The following MATN2 variants were observed in gnomAD, a reference collection of about 807,000 sequenced individuals.
MATN2 encodes the protein matrilin-2.
In MATN2, 69 loss-of-function variants were observed where a neutral mutation model predicts 103.2. The observed-to-expected ratio is 0.67, with a 90% CI of 0.55 to 0.82. MATN2 has a LOEUF of 0.82. Among genes scored for constraint, MATN2 ranks in the 40% least tolerant of loss-of-function variants. The pLI, the probability that MATN2 is intolerant of heterozygous loss-of-function variation, is 0.00. For synonymous variants in MATN2, 429 were observed against 450.2 expected (o/e 0.95, Z 0.60); for missense variants, 1,023 against 1,211.5 (o/e 0.84, Z 2.31).
At chr8:97,984,463 G>C (rs1051172786) in intron 6 of MATN2, among the ~76,000 whole-genome samples, 5 of 152,332 alleles carry the variant, frequency 3.3e-5, no homozygotes, top group Non-Finnish European at 5.9e-5. Context: ...TGACCAATTT[G>C]TGTGTGGAGG....
chr8:98,012,159 G>A (rs538489114), intron 10 of MATN2, among the ~76,000 whole-genome samples: 25 of 152,184 alleles, frequency 1.6e-4, no homozygotes, highest in African/African-American at 4.6e-4. Flanking sequence ...TTCCTTAAGC[G>A]CTTGGTTCCT....
At chr8:97,885,501 A>G (rs1223729170) in intron 1 of MATN2, among the ~76,000 whole-genome samples, 1 of 152,182 alleles carries the variant, frequency 6.6e-6, no homozygotes, top group Admixed American at 6.5e-5. Context: ...AAACCCTGAG[A>G]TGATAAATAG....
intron 4 of MATN2, among the ~76,000 whole-genome samples, chr8:97,957,414 G>A (rs568186151): frequency 4.3e-4 from 66 of 152,334 alleles, no homozygotes; most frequent in Middle Eastern, 6.8e-3. Context: ...AACCCAGTCT[G>A]TATTTATTCC....
intron 3 of MATN2, among the ~76,000 whole-genome samples, chr8:97,940,424 C>CGTT (rs1454531946): frequency 2.0e-5 from 3 of 152,118 alleles, no homozygotes; most frequent in Non-Finnish European, 4.4e-5. Flanking sequence ...ATATTTGTAT[C>CGTT]CTAACAGGAA....
intron 1 of MATN2, among the ~76,000 whole-genome samples, chr8:97,870,569 G>A (rs558758464): frequency 1.4e-3 from 209 of 152,120 alleles, no homozygotes; most frequent in Non-Finnish European, 2.2e-3. Flanking sequence ...ACATTTCCAG[G>A]AGCATTCTAA....
chr8:97,975,462 G>A (rs2130300826), intron 5 of MATN2, among the ~76,000 whole-genome samples: 1 of 152,300 alleles, frequency 6.6e-6, no homozygotes. Context: ...ATCCCTCTGA[G>A]AGACAGAAAT....
intron 5 of MATN2, among the ~76,000 whole-genome samples, chr8:97,978,303 G>A (rs1811904742): frequency 6.6e-6 from 1 of 152,176 alleles, no homozygotes; most frequent in African/African-American, 2.4e-5. Flanking sequence ...TGGAACTAAT[G>A]AAAAATCAGC....
chr8:97,945,546 A>G (rs541594636), intron 4 of MATN2, among the ~76,000 whole-genome samples: 1 of 151,988 alleles, frequency 6.6e-6, no homozygotes, highest in South Asian at 2.1e-4. Context: ...CAGCCCACTA[A>G]TCCAGGGGAG....
chr8:97,963,112 G>A (rs1811366078), intron 5 of MATN2, among the ~76,000 whole-genome samples: 1 of 152,210 alleles, frequency 6.6e-6, no homozygotes, highest in Non-Finnish European at 1.5e-5. Context: ...TCCAGCCTGG[G>A]TGACAGAGCG....
At chr8:97,874,107 C>T (rs572257474) in intron 1 of MATN2, among the ~76,000 whole-genome samples, 2 of 152,204 alleles carry the variant, frequency 1.3e-5, no homozygotes, top group Non-Finnish European at 2.9e-5. Context: ...CTGAGATTCC[C>T]AGACGGTGTC....
chr8:97,932,627 G>T (rs774960970), intron 3 of MATN2, among the ~76,000 whole-genome samples: 1 of 152,074 alleles, frequency 6.6e-6, no homozygotes, highest in East Asian at 1.9e-4. Context: ...TTCTCAGCAG[G>T]TCAGCCTGCA....
intron 5 of MATN2, among the ~76,000 whole-genome samples, chr8:97,965,100 C>T (rs1033788351): frequency 6.6e-6 from 1 of 152,096 alleles, no homozygotes; most frequent in Admixed American, 6.6e-5. Flanking sequence ...AAAGGGGTTC[C>T]AGTTTGGATG....
chr8:98,024,807 A>AG (rs1299393943), intron 13 of MATN2: 8 of 152,308 alleles, frequency 5.3e-5, no homozygotes, highest in African/African-American at 1.9e-4. Flanking sequence ...AACTACCAAA[A>AG]AGAAAATGCC....
intron 2 of MATN2, among the ~76,000 whole-genome samples, chr8:97,916,040 G>T (rs1476637430): frequency 1.7e-5 from 2 of 116,424 alleles, no homozygotes; most frequent in African/African-American, 3.2e-5. Context: ...ACTGGCTATG[G>T]TTTTTATTTT....
chr8:97,960,213 T>C (rs901240111), intron 4 of MATN2, among the ~76,000 whole-genome samples: 14 of 152,336 alleles, frequency 9.2e-5, no homozygotes, highest in Non-Finnish European at 2.1e-4. Context: ...CGCCTTGGCC[T>C]CCCAAAGTGT....
rs1247001090 is a variant in MATN2, at chr8:97,928,254, TC to T, written c.143-2698del. On this transcript the variant is annotated intron_variant, in intron 2 of 18. Transcript: ENST00000254898. ...TTTTTTTTTTTTTTCTGAGGTGGAGTCTTGCACTGTCACCTGGGCTGGAGTG... is the reference window on the plus strand; with the variant it reads ...TTTTTTTTTTTTTTCTGAGGTGGAGTTTGCACTGTCACCTGGGCTGGAGTG... 7.5e-5 allele frequency among the ~76,000 whole-genome samples: 10 copies of T among 133,020 alleles called. No homozygotes were observed. The Admixed American group carries it at 7.6e-4, about 10-fold the overall frequency. 87.3% of individuals were successfully genotyped at this position (133,020 alleles called of 152,430 possible).
chr8:97,901,250 AC>A (rs1219120203), intron 2 of MATN2, among the ~76,000 whole-genome samples: 4 of 151,992 alleles, frequency 2.6e-5, no homozygotes, highest in Middle Eastern at 3.4e-3. Flanking sequence ...TCATTCTGAT[AC>A]ACTTTTTTTT....
chr8:97,892,448 C>T (rs1818665455), intron 2 of MATN2, among the ~76,000 whole-genome samples: 1 of 147,886 alleles, frequency 6.8e-6, no homozygotes, highest in Admixed American at 6.8e-5. Flanking sequence ...AGAAGAGTAG[C>T]ACCGTTTTAC....
chr8:97,989,963 CT>C (rs1432278573), intron 6 of MATN2, among the ~76,000 whole-genome samples: 1 of 152,040 alleles, frequency 6.6e-6, no homozygotes, highest in Non-Finnish European at 1.5e-5. Flanking sequence ...AGGTGGATCA[CT>C]TGAGGTCAGG....
Sources: gnomAD v4.1 joint callset for allele counts (sites outside exome capture counted in the v4.1 genomes callset) on GRCh38, gnomAD v4.1.1 for gene constraint, MANE v1.5 for transcripts, NCBI Gene and HGNC (gene_info 2026-07-23, HGNC 2026-07-21) for gene names.